The following GPR107 variants were observed in gnomAD, a reference collection of about 807,000 sequenced individuals.
The protein encoded by GPR107 is protein GPR107.
In GPR107, 31 loss-of-function variants were observed where a neutral mutation model predicts 75.5. The ratio of observed to expected loss-of-function variants is 0.41; its 90% confidence interval spans 0.31 to 0.55. GPR107 has a LOEUF of 0.55. GPR107 is among the 20% of genes least tolerant of loss of function. GPR107 has a pLI of 0.26. For missense variants in GPR107, 572 were observed against 665.7 expected (o/e 0.86, Z 1.55); for synonymous variants, 267 against 251.3 (o/e 1.06, Z -0.59).
rs1156540758 is a variant in GPR107, at chr9:130,135,861, C to T, written c.*740C>T. 1 of 152,234 alleles carries T rather than the reference C, an allele frequency of 6.6e-6. No individual in the cohort carries two copies. Among genetic ancestry groups the T allele is most frequent in the Non-Finnish European group, 1.5e-5 (1 of 68,070 alleles). 9.4% of individuals were successfully genotyped at this position (152,234 alleles called of 1,614,324 possible). A position where few individuals can be genotyped will look rare whatever the true frequency, so the allele number is the denominator to read the frequency against. The stretch of plus-strand genomic sequence containing the variant: ...GGTGGTTTTCTGACTGAGATGTTGC[C>T]TGATGGATGGAAAGAAATGTATTTT... On this transcript the variant is annotated 3_prime_UTR_variant, in exon 18 of 18. Coordinates refer to ENST00000347136, the MANE Select transcript of GPR107 (RefSeq NM_020960.5).
At chr9:130,109,118 G>C (rs1345726121) in intron 14 of GPR107, among the ~76,000 whole-genome samples, 1 of 147,330 alleles carries the variant, frequency 6.8e-6, no homozygotes, top group African/African-American at 2.5e-5. Context: ...TTCTGCCTCA[G>C]CCTCCCAAGT....
intron 14 of GPR107, chr9:130,110,324 G>A (rs1334006704): frequency 2.5e-6 from 3 of 1,210,162 alleles, no homozygotes; most frequent in Admixed American, 4.0e-5. Flanking sequence ...GAACGCTTTT[G>A]TCATGGCCTG....
chr9:130,134,709 A>C (rs1250479718), intron 17 of GPR107, among the ~76,000 whole-genome samples: 12 of 152,250 alleles, frequency 7.9e-5, no homozygotes, highest in Admixed American at 7.8e-4. Flanking sequence ...GCGCCACAAA[A>C]ATTCCGCAAG....
At chr9:130,132,807 AT>A (rs782038568) in intron 17 of GPR107, among the ~76,000 whole-genome samples, 1,614 of 101,448 alleles carry the variant, frequency 0.016, 21 homozygotes, top group Non-Finnish European at 0.021. Context: ...TAAAAAAAAA[AT>A]ATATATATAT....
intron 9 of GPR107, among the ~76,000 whole-genome samples, chr9:130,096,917 C>T (rs1173344291): frequency 6.6e-6 from 1 of 152,148 alleles, no homozygotes; most frequent in Non-Finnish European, 1.5e-5. Context: ...GCATCTCATT[C>T]ATTGATTTTT....
chr9:130,117,928 A>C (rs1564681736), intron 14 of GPR107, among the ~76,000 whole-genome samples: 1 of 152,150 alleles, frequency 6.6e-6, no homozygotes, highest in Admixed American at 6.5e-5. Context: ...CTTGGGCATC[A>C]CCCAGCCTTT....
intron 9 of GPR107, among the ~76,000 whole-genome samples, chr9:130,095,719 GT>G (rs1830851648): frequency 2.6e-5 from 4 of 151,988 alleles, no homozygotes; most frequent in African/African-American, 9.7e-5. Context: ...TCAATCTGTG[GT>G]TAAATGAGGC....
chr9:130,131,144 A>T (rs1201691160), intron 17 of GPR107, among the ~76,000 whole-genome samples: 3 of 152,154 alleles, frequency 2.0e-5, no homozygotes, highest in African/African-American at 4.8e-5. Context: ...GTGGCTGCGA[A>T]GCTGCTGAAG....
intron 1 of GPR107, among the ~76,000 whole-genome samples, chr9:130,066,507 T>C (rs184451220): frequency 6.6e-6 from 1 of 152,038 alleles, no homozygotes; most frequent in African/African-American, 2.4e-5. Context: ...CCTCCAAAAC[T>C]ATGATCAGTA....
Position 130,075,720 on chromosome 9 carries a change from C to T in GPR107, c.226C>T (p.Leu76=), listed in dbSNP as rs141390611. The T allele has an allele frequency of 3.8e-6, 6 of 1,580,896 alleles. No homozygotes were observed. The highest frequency in any genetic ancestry group is 5.2e-6 in the Non-Finnish European group (6 of 1,150,194). Residue 76 remains leucine, a synonymous_variant, in exon 2 of 18, where the codon CTG becomes TTG. Coordinates refer to ENST00000347136, the MANE Select transcript of GPR107 (RefSeq NM_020960.5). ...GGTGGTGAATGTCAGTAGCCTCTCA[C>T]TGAATGAGCCTGAAGACAAGGATGT... ...YMVVNVSSLS[L]NEPEDKDVTI... is the part of the protein sequence containing the mutation.
intron 7 of GPR107, 59 bp downstream of exon 7, chr9:130,086,535 A>ATT: frequency 2.1e-6 from 2 of 972,508 alleles, no homozygotes; most frequent in Non-Finnish European, 1.6e-6. Flanking sequence ...TAAAAGGGTA[A>ATT]TTTTTTTTTA....
At chr9:130,055,072 A>T (rs1216637167) in intron 1 of GPR107, among the ~76,000 whole-genome samples, 3 of 152,216 alleles carry the variant, frequency 2.0e-5, no homozygotes, top group African/African-American at 7.2e-5. Flanking sequence ...ACAGAGCAAG[A>T]CCCTTTCTCA....
intron 5 of GPR107, 127 bp downstream of exon 5, chr9:130,079,896 C>T (rs1366782653): frequency 1.9e-6 from 1 of 518,254 alleles, no homozygotes; most frequent in Non-Finnish European, 3.2e-6. Context: ...GGAAGTTACA[C>T]AAAAATACGT....
intron 13 of GPR107, among the ~76,000 whole-genome samples, chr9:130,106,062 C>G (rs761838256): frequency 1.3e-5 from 2 of 152,100 alleles, no homozygotes; most frequent in Non-Finnish European, 2.9e-5. Context: ...GTTTCCAGAT[C>G]GAAAAGAGCA....
intron 14 of GPR107, among the ~76,000 whole-genome samples, chr9:130,121,181 T>A (rs377073611): frequency 7.1e-6 from 1 of 140,766 alleles, no homozygotes; most frequent in Non-Finnish European, 1.5e-5. Context: ...AGACCCTATC[T>A]CAAAACAAAA....
At position 130,137,192 on chromosome 9, in the gene GPR107, G is replaced by T. The variant is rs1397378356; in HGVS notation, c.*2071G>T. ...TGTGATGAAACCTCCCTGCTCGGAA[G>T]GGTCTCCGTGGAGGTGTCCTCATTT... On this transcript the variant is annotated 3_prime_UTR_variant, in exon 18 of 18. Transcript: ENST00000347136. 2.0e-5 allele frequency: 3 copies of T among 152,256 alleles called. No individual in the cohort carries two copies. The highest frequency in any genetic ancestry group is 7.2e-5 in the African/African-American group (3 of 41,458). The allele number at this position is 152,256 out of a possible 1,614,324, so 9.4% of individuals were successfully genotyped here. A position where few individuals can be genotyped will look rare whatever the true frequency, so the allele number is the denominator to read the frequency against.
intron 14 of GPR107, among the ~76,000 whole-genome samples, chr9:130,122,765 G>A (rs1831577826): frequency 6.6e-6 from 1 of 152,198 alleles, no homozygotes. Flanking sequence ...TCTCACACCT[G>A]TAATCCCAGC....
Position 130,100,665 on chromosome 9 carries a change from A to G in GPR107, c.976A>G (p.Ile326Val), listed in dbSNP as rs762321436. 6 of 1,613,312 alleles carry G rather than the reference A, an allele frequency of 3.7e-6. No individual in the cohort carries two copies. The highest frequency in any genetic ancestry group is 5.1e-6 in the Non-Finnish European group (6 of 1,179,294). Residue 326 changes from isoleucine to valine, a missense_variant, in exon 11 of 18, where the codon ATC (isoleucine) becomes GTC (valine). Transcript: ENST00000347136. ...CTACATCTCCTCCCAGGGCTTCCCT[A>G]TCGAAGGCTGGGCTGTTGTGTACTA... ...YHYISSQGFPIEGWAVVYYIT... is the reference protein window; with the variant it reads ...YHYISSQGFPVEGWAVVYYIT...
chr9:130,135,914 G>T lies in GPR107; in HGVS notation c.*793G>T, dbSNP rs2240913. The T allele has an allele frequency of 6.6e-6, 1 of 152,056 alleles. No homozygotes were observed. The highest frequency in any genetic ancestry group is 1.9e-4 in the East Asian group (1 of 5,178). The allele number at this position is 152,056 out of a possible 1,614,324, so 9.4% of individuals were successfully genotyped here. On this transcript the variant is annotated 3_prime_UTR_variant, in exon 18 of 18. Coordinates refer to ENST00000347136, the MANE Select transcript of GPR107 (RefSeq NM_020960.5). ...AGTTCAAAAAGCATTATCCTGTGGC[G>T]TTGCCTGGACATCCACTCCCTGACA...
Sources: allele counts gnomAD v4.1 joint callset (sites outside exome capture counted in the v4.1 genomes callset), GRCh38; gene constraint gnomAD v4.1.1; transcripts MANE v1.5; gene names NCBI Gene and HGNC (gene_info 2026-07-23, HGNC 2026-07-21).